CAPZA1: variants seen among roughly 807,000 people sequenced by gnomAD.
CAPZA1 encodes capping actin protein of muscle Z-line subunit alpha 1.
In CAPZA1, 10 loss-of-function variants were observed where a neutral mutation model predicts 40.8. The observed-to-expected ratio is 0.25, with a 90% confidence interval of 0.15 to 0.42. The LOEUF (loss-of-function observed/expected upper bound fraction) is 0.42. CAPZA1 is among the 10% of genes least tolerant of loss of function. CAPZA1 has a pLI of 1.00. For synonymous variants in CAPZA1, 98 were observed against 115.0 expected, an observed-to-expected ratio of 0.85 and a Z score of 0.95; for missense variants, 277 against 353.8, an observed-to-expected ratio of 0.78 and a Z score of 1.74.
intron 1 of CAPZA1, among the ~76,000 whole-genome samples, chr1:112,637,175 C>T (rs1671037396): frequency 6.6e-6 from 1 of 152,244 alleles, no homozygotes; most frequent in African/African-American, 2.4e-5. Flanking sequence ...CTTACACTCC[C>T]TGAACCTATT....
intron 5 of CAPZA1, among the ~76,000 whole-genome samples, chr1:112,658,773 TA>T (rs1176953174): frequency 6.6e-6 from 1 of 152,194 alleles, no homozygotes; most frequent in Non-Finnish European, 1.5e-5. Flanking sequence ...TGACCCAGCC[TA>T]AATGGCACCC....
intron 1 of CAPZA1, among the ~76,000 whole-genome samples, chr1:112,643,894 G>T (rs909960857): frequency 1.3e-5 from 2 of 150,068 alleles, no homozygotes; most frequent in Non-Finnish European, 2.9e-5. Flanking sequence ...GCCCAAGCTG[G>T]ATTGCAGTGG....
rs763980397 is a variant in CAPZA1 at position 112,659,806 on chromosome 1, T to G, written c.585+27T>G. 13 of 1,550,172 alleles carry G rather than the reference T, an allele frequency of 8.4e-6. No individual in the cohort carries two copies. In the African/African-American group the frequency reaches 1.4e-4, roughly 16 times the overall value. On this transcript the variant is annotated intron_variant, in intron 7 of 9. Transcript: ENST00000263168. ...TGAGATTCCAACATGTTTATAGACT[T>G]AAAACTTCACATCTTTAAAACATGT...
At chr1:112,661,819 G>C (rs1671618813) in intron 7 of CAPZA1, among the ~76,000 whole-genome samples, 1 of 152,218 alleles carries the variant, frequency 6.6e-6, no homozygotes, top group Non-Finnish European at 1.5e-5. Context: ...ATACAGCCCA[G>C]TGTACAGACC....
intron 5 of CAPZA1, 87 bp from the exon 6 acceptor site, chr1:112,658,935 G>A (rs1340033442): frequency 3.1e-6 from 3 of 957,054 alleles, no homozygotes; most frequent in Non-Finnish European, 3.4e-6. Context: ...TCTCCCCCAA[G>A]GATTTAACAC....
Position 112,661,675 on chromosome 1 carries a change from T to C in CAPZA1, c.585+1896T>C, listed in dbSNP as rs1038307479. 3.9e-5 allele frequency among the ~76,000 whole-genome samples: 6 copies of C among 152,242 alleles called. 1 individual carries two copies. Among genetic ancestry groups the C allele is most frequent in the Admixed American group, 3.9e-4 (6 of 15,292 alleles). Reference sequence around the variant, plus strand: ...ATGGTATCAGCATTGTAGAAGCTTATTGTAAATTTTGTGTAAATAAATTTT... The same window carrying C: ...ATGGTATCAGCATTGTAGAAGCTTACTGTAAATTTTGTGTAAATAAATTTT... On this transcript the variant is annotated intron_variant, in intron 7 of 9. Coordinates refer to ENST00000263168, the MANE Select transcript of CAPZA1 (RefSeq NM_006135.3).
intron 5 of CAPZA1, among the ~76,000 whole-genome samples, chr1:112,657,308 C>T (rs1429316748): frequency 6.6e-6 from 1 of 152,118 alleles, no homozygotes; most frequent in Non-Finnish European, 1.5e-5. Flanking sequence ...CCCTTTCTCC[C>T]TCTTCTCCAC....
intron 1 of CAPZA1, among the ~76,000 whole-genome samples, chr1:112,636,668 C>T (rs539964611): frequency 1.3e-5 from 2 of 152,078 alleles, no homozygotes; most frequent in East Asian, 1.9e-4. Flanking sequence ...CTAAAACCTT[C>T]ATATTAGTGA....
At chr1:112,637,097 A>T (rs1302683051) in intron 1 of CAPZA1, among the ~76,000 whole-genome samples, 1 of 152,170 alleles carries the variant, frequency 6.6e-6, no homozygotes, top group Non-Finnish European at 1.5e-5. Context: ...TGCATGATAT[A>T]GTTGAATGTC....
intron 1 of CAPZA1, among the ~76,000 whole-genome samples, chr1:112,645,954 A>T (rs1331299046): frequency 3.3e-5 from 3 of 89,678 alleles, no homozygotes; most frequent in African/African-American, 1.5e-4. Flanking sequence ...ACATAGCGAG[A>T]CCCTGTCTCT....
rs866652464 is a variant in CAPZA1, at chr1:112,640,264, G to A, written c.40-6946G>A. Among the ~76,000 whole-genome samples, 804 of 130,438 alleles carry A rather than the reference G, an allele frequency of 6.2e-3. 1 individual carries two copies. Among genetic ancestry groups the A allele is most frequent in the Non-Finnish European group, 9.7e-3 (571 of 58,640 alleles). The allele number at this position is 130,438 out of a possible 152,430, so 85.6% of individuals were successfully genotyped here. A position where few individuals can be genotyped will look rare whatever the true frequency, so the allele number is the denominator to read the frequency against. ...CGCCTCTGCCCGGCCGCCCCTACTG[G>A]GAAGTGAGGAGCCCCTCTGCCCGGC... is the stretch of plus-strand genomic sequence containing the variant. On this transcript the variant is annotated intron_variant, in intron 1 of 9. Coordinates refer to ENST00000263168, the MANE Select transcript of CAPZA1 (RefSeq NM_006135.3).
chr1:112,652,324 A>G (rs992390220), intron 3 of CAPZA1, among the ~76,000 whole-genome samples: 8 of 151,696 alleles, frequency 5.3e-5, no homozygotes, highest in African/African-American at 1.9e-4. Context: ...TCTACTAAAT[A>G]TACAGAAATT....
At chr1:112,639,611 A>G (rs1408887868) in intron 1 of CAPZA1, among the ~76,000 whole-genome samples, 1 of 152,060 alleles carries the variant, frequency 6.6e-6, no homozygotes, top group Non-Finnish European at 1.5e-5. Flanking sequence ...GGACATCCTC[A>G]CCTCAGTCCT....
rs772488876 is a variant in CAPZA1, at chr1:112,659,096, C to T, written c.501C>T (p.Asn167=). The part of the protein sequence containing the change: ...CIESHQFQPK[N]FWNGRWRSEW... ...AAAGCCACCAGTTTCAGCCTAAAAA[C>T]TTCTGGTAAGAAGTAGATATTCTCT... The change falls in exon 6 of 10, where the codon AAC becomes AAT. Residue 167 remains asparagine (N), a synonymous_variant. Transcript: ENST00000263168. 24 of 1,606,906 alleles carry T rather than the reference C, an allele frequency of 1.5e-5. No homozygotes were observed. In the East Asian group the frequency reaches 4.9e-4, roughly 33 times the overall value.
intron 8 of CAPZA1, 65 bp downstream of exon 8, chr1:112,667,210 G>A (rs1488937289): frequency 1.7e-6 from 2 of 1,172,350 alleles, no homozygotes; most frequent in Non-Finnish European, 2.5e-6. Context: ...AATTAGTTTT[G>A]ATCCTGAGTG....
intron 1 of CAPZA1, among the ~76,000 whole-genome samples, chr1:112,643,170 G>A (rs1307875793): frequency 6.6e-6 from 1 of 152,158 alleles, no homozygotes; most frequent in African/African-American, 2.4e-5. Context: ...GTTGAAAAGT[G>A]CAGAAATGTG....
At position 112,667,152 on chromosome 1, in the gene CAPZA1, A is replaced by G. The variant is rs202115321; in HGVS notation, c.657+7A>G. On this transcript the variant is annotated splice_region_variant and intron_variant, in intron 8 of 9. Coordinates refer to ENST00000263168, the MANE Select transcript of CAPZA1 (RefSeq NM_006135.3). ...GGATTCACTAACTGTTTCGGTGAGTATGGAATATTTAGTGTCTGTCTTACT... is the reference window on the plus strand; with the variant it reads ...GGATTCACTAACTGTTTCGGTGAGTGTGGAATATTTAGTGTCTGTCTTACT... The G allele has an allele frequency of 1.9e-5, 30 of 1,589,832 alleles. No individual in the cohort carries two copies. Among genetic ancestry groups the G allele is most frequent in the Middle Eastern group, 1.8e-4 (1 of 5,616 alleles).
intron 1 of CAPZA1, among the ~76,000 whole-genome samples, chr1:112,635,178 T>G (rs1433215715): frequency 6.6e-6 from 1 of 152,236 alleles, no homozygotes; most frequent in South Asian, 2.1e-4. Flanking sequence ...TGAACACTTT[T>G]TACGGTTGGG....
intron 7 of CAPZA1, 101 bp from the exon 8 acceptor site, chr1:112,666,973 G>A: frequency 1.4e-6 from 1 of 709,408 alleles, no homozygotes; most frequent in Non-Finnish European, 2.4e-6. Flanking sequence ...TGGTAAAATG[G>A]CTCATCAACT....
Sources: allele counts gnomAD v4.1 joint callset (sites outside exome capture counted in the v4.1 genomes callset), GRCh38; gene constraint gnomAD v4.1.1; transcripts MANE v1.5; gene names NCBI Gene and HGNC (gene_info 2026-07-23, HGNC 2026-07-21).